The following MBTPS2 variants were observed in gnomAD, a reference collection of about 807,000 sequenced individuals.
MBTPS2 encodes the protein membrane bound transcription factor peptidase, site 2.
In MBTPS2, 2 loss-of-function variants were observed where a neutral mutation model predicts 35.4. That is an observed-to-expected ratio of 0.06 (90% CI 0.02 to 0.18). The LOEUF (loss-of-function observed/expected upper bound fraction) is 0.18. MBTPS2 is among the 10% of genes least tolerant of loss of function. The pLI is 1.00. For missense variants in MBTPS2, 244 were observed against 386.5 expected, an observed-to-expected ratio of 0.63 and a Z score of 3.09; for synonymous variants, 125 against 140.4, an observed-to-expected ratio of 0.89 and a Z score of 0.77.
chrX:21,867,952 T>G (rs1269052606), intron 5 of MBTPS2, among the ~76,000 whole-genome samples: 1 of 111,801 alleles, frequency 8.9e-6, no homozygotes, highest in Non-Finnish European at 1.9e-5. Flanking sequence ...AGTTTTCTTA[T>G]GGTTTGTTGC....
At chrX:21,860,660 A>G (rs1164734274) in intron 5 of MBTPS2, among the ~76,000 whole-genome samples, 3 of 111,441 alleles carry the variant, frequency 2.7e-5, no homozygotes, top group African/African-American at 9.8e-5. Flanking sequence ...ATAAGAGACT[A>G]CACAAATAGT....
intron 5 of MBTPS2, among the ~76,000 whole-genome samples, chrX:21,860,058 C>G (rs1349556694): frequency 9.4e-6 from 1 of 106,130 alleles, no homozygotes; most frequent in Non-Finnish European, 1.9e-5. Context: ...AGCCACTGCA[C>G]TCCAGCCTAG....
At chrX:21,846,385 T>A (rs1317493587) in intron 3 of MBTPS2, among the ~76,000 whole-genome samples, 1 of 111,623 alleles carries the variant, frequency 9.0e-6, no homozygotes, top group Non-Finnish European at 1.9e-5. Flanking sequence ...ATTATTATTA[T>A]TTGAGACGGA....
intron 10 of MBTPS2, among the ~76,000 whole-genome samples, chrX:21,881,568 TGTC>T (rs2092959394): frequency 8.9e-6 from 1 of 111,982 alleles, no homozygotes; most frequent in Non-Finnish European, 1.9e-5. Context: ...AATTTTTTAA[TGTC>T]GTTCCTCAAT....
At chrX:21,869,858 C>G in intron 7 of MBTPS2, 180 bp downstream of exon 7, 1 of 431,509 alleles carries the variant, frequency 2.3e-6, no homozygotes. Flanking sequence ...TATGTGTTTC[C>G]TTTATTATAT....
Position 21,880,023 on chromosome X carries a change from G to A in MBTPS2, c.1262-874G>A, listed in dbSNP as rs184777082. On this transcript the variant is annotated intron_variant, in intron 9 of 10. Transcript: ENST00000379484. ...GCCTGGAGTGCAATGGCGCAATCTC[G>A]GCTCACTGCAGCCTCTGCCTCCCGG... Among the ~76,000 whole-genome samples, 277 of 92,299 alleles carry A rather than the reference G, an allele frequency of 3.0e-3. 2 individuals carry two copies. Among genetic ancestry groups the A allele is most frequent in the African/African-American group, 0.011 (256 of 22,975 alleles). 80.2% of individuals were successfully genotyped at this position (92,299 alleles called of 115,157 possible). A position where few individuals can be genotyped will look rare whatever the true frequency, so the allele number is the denominator to read the frequency against.
intron 5 of MBTPS2, among the ~76,000 whole-genome samples, chrX:21,860,194 G>A (rs1310292318): frequency 8.9e-6 from 1 of 112,015 alleles, no homozygotes; most frequent in Non-Finnish European, 1.9e-5. Flanking sequence ...GATCACTTAA[G>A]GTCAGGAGTT....
chrX:21,871,835 T>A (rs756840207), intron 7 of MBTPS2: 3 of 111,374 alleles, frequency 2.7e-5, no homozygotes, highest in South Asian at 3.7e-4. Context: ...TCTTCCAATT[T>A]TCTATAAACT....
Position 21,883,741 on chromosome X carries a change from A to G in MBTPS2, c.*1086A>G, listed in dbSNP as rs1176013321. 1.3e-6 allele frequency: 1 copy of G among 751,583 alleles called. No homozygotes were observed. Among genetic ancestry groups the G allele is most frequent in the African/African-American group, 2.3e-5 (1 of 43,030 alleles). 61.9% of individuals were successfully genotyped at this position (751,583 alleles called of 1,213,427 possible). On this transcript the variant is annotated 3_prime_UTR_variant, in exon 11 of 11. Transcript: ENST00000379484. The stretch of plus-strand genomic sequence containing the variant: ...CTAAGCTACCTCTCTGGGTCCACAG[A>G]AGACTTGGTAGTATAGTGAGAATGG...
chrX:21,855,859 A>C (rs1321820714), intron 5 of MBTPS2: 1 of 110,909 alleles, frequency 9.0e-6, no homozygotes, highest in Non-Finnish European at 1.9e-5. Flanking sequence ...TCAAAAAAAA[A>C]AAAAAATCCT....
intron 5 of MBTPS2, chrX:21,857,209 A>C (rs1370746230): frequency 1.7e-6 from 2 of 1,212,030 alleles, no homozygotes; most frequent in Admixed American, 2.2e-5. Context: ...ACTAAAGTGA[A>C]GCCCAAAAGG....
chrX:21,868,158 G>A (rs1376594474), intron 5 of MBTPS2, among the ~76,000 whole-genome samples: 1 of 111,504 alleles, frequency 9.0e-6, no homozygotes, highest in African/African-American at 3.3e-5. Flanking sequence ...GTTTAAATTA[G>A]TGATATATAC....
At chrX:21,848,954 G>A (rs758318780) in intron 3 of MBTPS2, among the ~76,000 whole-genome samples, 31 of 112,225 alleles carry the variant, frequency 2.8e-4, no homozygotes, top group African/African-American at 9.0e-4. Context: ...ACAGAATGAG[G>A]AAGACATAGA....
chrX:21,857,286 T>C, intron 5 of MBTPS2: 2 of 1,211,638 alleles, frequency 1.7e-6, no homozygotes, highest in Non-Finnish European at 2.2e-6. Flanking sequence ...GTTCCGGGAT[T>C]ACGCCGCCAT....
At chrX:21,856,286 TTTCTCTGCAGCTCGC>T in intron 5 of MBTPS2, 2 of 274,170 alleles carry the variant, frequency 7.3e-6, no homozygotes, top group East Asian at 7.5e-5. Flanking sequence ...GTCTCGCGCC[TTTCTCTGCAGCTCGC>T]GCCTTTCTCT....
In MBTPS2 at chrX:21,878,131, C is replaced by T. The variant is rs2147453367; in HGVS notation, c.1060C>T (p.Arg354Cys). 8.4e-7 allele frequency: 1 copy of T among 1,188,575 alleles called. No homozygotes were observed. The highest frequency in any genetic ancestry group is 1.1e-6 in the Non-Finnish European group (1 of 874,701). The change falls in exon 8 of 11, where the codon CGT becomes TGT. Residue 354 changes from arginine to cysteine, a missense_variant. By Grantham distance (180) the Arg-to-Cys change is radical. Transcript: ENST00000379484. ...TTCCTACAGAAATAATTTTAATAAG[C>T]GTTTGGTAAGTTGTCCCTGAAGCAG... is the stretch of plus-strand genomic sequence containing the variant. ...CFSYRNNFNK[R>C]LHTCLPARKA...
At chrX:21,862,899 AAC>A (rs1419553481) in intron 5 of MBTPS2, among the ~76,000 whole-genome samples, 8 of 68,702 alleles carry the variant, frequency 1.2e-4, no homozygotes, top group East Asian at 5.0e-4. Flanking sequence ...CATATATATA[AAC>A]ATATATAAAT....
In MBTPS2 at chrX:21,884,005, A is replaced by C. The variant is rs1278149130; in HGVS notation, c.*1350A>C. Reference sequence around the variant, plus strand: ...TGACTAAGGGCAATAACTCATTAATAGCCATCTATCCAACTTCTTTACTGA... The same window carrying C: ...TGACTAAGGGCAATAACTCATTAATCGCCATCTATCCAACTTCTTTACTGA... On this transcript the variant is annotated 3_prime_UTR_variant, in exon 11 of 11. Coordinates refer to ENST00000379484, the MANE Select transcript of MBTPS2 (RefSeq NM_015884.4). The C allele has an allele frequency of 1.3e-6, 1 of 751,036 alleles. No homozygotes were observed. The highest frequency in any genetic ancestry group is 1.5e-4 in the East Asian group (1 of 6,600). 61.9% of individuals were successfully genotyped at this position (751,036 alleles called of 1,213,427 possible).
chrX:21,884,130 C>T lies in MBTPS2; in HGVS notation c.*1475C>T. The T allele has an allele frequency of 1.4e-6, 1 of 733,935 alleles. No individual in the cohort carries two copies. Among genetic ancestry groups the T allele is most frequent in the Non-Finnish European group, 1.6e-6 (1 of 620,553 alleles). The allele number at this position is 733,935 out of a possible 1,213,427, so 60.5% of individuals were successfully genotyped here. ...TTAAGAAACTTTTTAGATTGTATTACAAATTTGCCTTAACAGTAATTAGAT... is the reference window on the plus strand; with the variant it reads ...TTAAGAAACTTTTTAGATTGTATTATAAATTTGCCTTAACAGTAATTAGAT... On this transcript the variant is annotated 3_prime_UTR_variant, in exon 11 of 11. Transcript: ENST00000379484.
Sources: allele counts gnomAD v4.1 joint callset (sites outside exome capture counted in the v4.1 genomes callset), GRCh38; gene constraint gnomAD v4.1.1; transcripts MANE v1.5; gene names NCBI Gene and HGNC (gene_info 2026-07-23, HGNC 2026-07-21).